ATRX: variants seen among roughly 807,000 people sequenced by gnomAD.
ATRX encodes ATRX chromatin remodeler.
Under a neutral mutation model 172.6 loss-of-function variants are expected in ATRX, and 12 were observed. The observed-to-expected ratio is 0.07, with a 90% CI of 0.04 to 0.11. ATRX has a LOEUF of 0.11. Ranked by LOEUF, ATRX falls within the 10% of genes least tolerant of loss-of-function variation. The pLI, the probability that ATRX is intolerant of heterozygous loss-of-function variation, is 1.00. For missense variants in ATRX, 1,368 were observed against 1,767.4 expected (o/e 0.77, Z 4.05); for synonymous variants, 674 against 594.7 (o/e 1.13, Z -1.94).
intron 1 of ATRX, among the ~76,000 whole-genome samples, chrX:77,762,268 G>A (rs2075743443): frequency 1.1e-5 from 1 of 92,906 alleles, no homozygotes; most frequent in African/African-American, 4.2e-5. Flanking sequence ...TCACGCCACT[G>A]CACTCCAGCC....
intron 19 of ATRX, among the ~76,000 whole-genome samples, chrX:77,621,555 G>GC (rs1557099964): frequency 7.1e-5 from 8 of 112,162 alleles, no homozygotes. Flanking sequence ...CAAGTGATCT[G>GC]CCCGCCTTGG....
intron 15 of ATRX, among the ~76,000 whole-genome samples, chrX:77,639,811 T>C (rs1264853830): frequency 8.9e-6 from 1 of 112,140 alleles, no homozygotes; most frequent in Non-Finnish European, 1.9e-5. Flanking sequence ...AAGGAAACTT[T>C]ATTTAACTAA....
At chrX:77,766,699 G>T (rs1350595638) in intron 1 of ATRX, among the ~76,000 whole-genome samples, 2 of 106,066 alleles carry the variant, frequency 1.9e-5, no homozygotes, top group Non-Finnish European at 3.9e-5. Flanking sequence ...TTCCTAGATG[G>T]GATGGCGGCC....
At chrX:77,679,205 C>G (rs1569538440) in intron 9 of ATRX, among the ~76,000 whole-genome samples, 1 of 111,131 alleles carries the variant, frequency 9.0e-6, no homozygotes, top group East Asian at 2.8e-4. Flanking sequence ...CAATTTTTCA[C>G]AGGTTAAATT....
chrX:77,662,211 A>C (rs1312894170), intron 12 of ATRX, among the ~76,000 whole-genome samples: 1 of 111,467 alleles, frequency 9.0e-6, no homozygotes, highest in Non-Finnish European at 1.9e-5. Context: ...AATAATTCTT[A>C]CTAAACCAGT....
intron 22 of ATRX, among the ~76,000 whole-genome samples, chrX:77,609,429 A>G (rs1057095766): frequency 8.9e-6 from 1 of 112,254 alleles, no homozygotes; most frequent in African/African-American, 3.2e-5. Flanking sequence ...TGTCATTTCA[A>G]ACAACATGAA....
Position 77,521,396 on chromosome X carries a change from A to G in ATRX, c.7071+7T>C. On this transcript the variant is annotated splice_region_variant and intron_variant, in intron 33 of 34. Transcript: ENST00000373344. ...GGTTGGAATAAGACAATTGCCAATT[A>G]GCTTACTACAGCTGAAATTATATCC... 1 of 1,193,521 alleles carries G rather than the reference A, an allele frequency of 8.4e-7. No individual in the cohort carries two copies. The highest frequency in any genetic ancestry group is 1.1e-6 in the Non-Finnish European group (1 of 879,376).
chrX:77,558,621 T>C (rs1569523159), intron 29 of ATRX, 48 bp downstream of exon 29: 2 of 1,049,149 alleles, frequency 1.9e-6, no homozygotes, highest in Non-Finnish European at 2.7e-6. Context: ...TAAAATATTA[T>C]CAGTTTCACA....
In ATRX at chrX:77,742,138, A is replaced by C. The variant is rs556799291; in HGVS notation, c.21-24895T>G. 1.1e-4 allele frequency among the ~76,000 whole-genome samples: 12 copies of C among 112,025 alleles called. No homozygotes were observed. In the Middle Eastern group the frequency reaches 0.014, roughly 129 times the overall value. On this transcript the variant is annotated intron_variant, in intron 1 of 34. Coordinates refer to ENST00000373344, the MANE Select transcript of ATRX (RefSeq NM_000489.6). ...GCCACTGAATTGTACACTTAAAAAT[A>C]ATTAAAGTGATAAATATTAGACCAA...
rs1442106018 is a variant in ATRX, at chrX:77,777,183, GTC to G, written c.20+8797_20+8798del. On this transcript the variant is annotated intron_variant, in intron 1 of 34. Transcript: ENST00000373344. ...AGCCAGGCCAATGTGGTAAAACCCT[GTC>G]TCTACTAAAAAAAAAAAAAAAAAAA... is the stretch of plus-strand genomic sequence containing the variant. 7.6e-5 allele frequency among the ~76,000 whole-genome samples: 5 copies of G among 65,558 alleles called. No individual in the cohort carries two copies. In the East Asian group the frequency reaches 2.8e-3, roughly 37 times the overall value. 56.9% of individuals were successfully genotyped at this position (65,558 alleles called of 115,157 possible). A position where few individuals can be genotyped will look rare whatever the true frequency, so the allele number is the denominator to read the frequency against.
chrX:77,785,903 G>A lies in ATRX; in HGVS notation c.20+79C>T, dbSNP rs782801159. On this transcript the variant is annotated intron_variant, in intron 1 of 34. Transcript: ENST00000373344. ...AACACACAGGCCTAACCCACCAAGC[G>A]AACGCCTTCCCAAACACCCGACTCA... 37 of 1,124,662 alleles carry A rather than the reference G, an allele frequency of 3.3e-5. No individual in the cohort carries two copies. The East Asian group carries it at 1.1e-3, about 34-fold the overall frequency. 92.7% of individuals were successfully genotyped at this position (1,124,662 alleles called of 1,213,427 possible).
chrX:77,673,000 T>C (rs1215617051), intron 10 of ATRX, among the ~76,000 whole-genome samples: 4 of 111,628 alleles, frequency 3.6e-5, no homozygotes, highest in African/African-American at 1.3e-4. Context: ...TCAGTGATTG[T>C]TCAGTATGCA....
intron 22 of ATRX, among the ~76,000 whole-genome samples, chrX:77,608,364 G>A (rs1435081390): frequency 1.1e-4 from 9 of 81,509 alleles, no homozygotes; most frequent in South Asian, 1.3e-3. Flanking sequence ...GCGAGACCCC[G>A]TCTCAAAAAA....
chrX:77,668,954 A>G (rs1200762233), intron 10 of ATRX, among the ~76,000 whole-genome samples: 1 of 111,582 alleles, frequency 9.0e-6, no homozygotes, highest in Non-Finnish European at 1.9e-5. Flanking sequence ...AGGAAAGTAA[A>G]CCACCTCTTG....
intron 28 of ATRX, among the ~76,000 whole-genome samples, chrX:77,572,303 T>C (rs1220393295): frequency 1.8e-5 from 2 of 111,350 alleles, no homozygotes; most frequent in South Asian, 3.8e-4. Flanking sequence ...TGGGGCATTT[T>C]GGATTTAGAT....
chrX:77,699,888 T>TA (rs781880387), intron 2 of ATRX, among the ~76,000 whole-genome samples: 6 of 111,661 alleles, frequency 5.4e-5, no homozygotes, highest in Non-Finnish European at 7.5e-5. Flanking sequence ...CAAACTCTTC[T>TA]AAAAAACAGA....
At chrX:77,530,405 G>A (rs965527147) in intron 30 of ATRX, among the ~76,000 whole-genome samples, 14 of 110,397 alleles carry the variant, frequency 1.3e-4, no homozygotes, top group African/African-American at 4.3e-4. Context: ...TCAGTAGTTC[G>A]AGACCAGCCT....
At chrX:77,607,210 T>C (rs1331343978) in intron 22 of ATRX, among the ~76,000 whole-genome samples, 9 of 111,604 alleles carry the variant, frequency 8.1e-5, no homozygotes, top group African/African-American at 2.6e-4. Context: ...TGTTTGCAGA[T>C]GACATGACCT....
intron 22 of ATRX, among the ~76,000 whole-genome samples, chrX:77,615,009 T>C (rs1216429489): frequency 1.8e-5 from 2 of 111,024 alleles, no homozygotes; most frequent in Non-Finnish European, 3.8e-5. Context: ...GTTGTTGTTG[T>C]TGTTGTTGAG....
Sources: allele counts gnomAD v4.1 joint callset (sites outside exome capture counted in the v4.1 genomes callset), GRCh38; gene constraint gnomAD v4.1.1; transcripts MANE v1.5; gene names NCBI Gene and HGNC (gene_info 2026-07-23, HGNC 2026-07-21).